LRMDA: variants seen among roughly 807,000 people sequenced by gnomAD.
The protein encoded by LRMDA is leucine-rich melanocyte differentiation-associated protein.
LRMDA carries 18 observed loss-of-function variants against 29.8 expected under a neutral mutation model. The observed-to-expected ratio is 0.60, with a 90% CI of 0.42 to 0.90. The LOEUF (loss-of-function observed/expected upper bound fraction) is 0.90, where lower values mean the gene tolerates loss of function less well. Among genes scored for constraint, LRMDA ranks in the 40% least tolerant of loss-of-function variants. The pLI is 0.00. For synonymous variants in LRMDA, 125 were observed against 109.4 expected (o/e 1.14, Z -0.89); for missense variants, 273 against 273.9 (o/e 1.00, Z 0.02).
rs557260961 is a variant in LRMDA at position 75,865,438 on chromosome 10, A to G, written c.132-170570A>G. Among the ~76,000 whole-genome samples the G allele has an allele frequency of 2.8e-4, 43 of 152,300 alleles. 2 individuals carry two copies. The South Asian group carries it at 5.6e-3, about 20-fold the overall frequency. ...AATAAAAAATATGAAAAAATTAATC[A>G]TGACTCACTGGTTCTTTACATATAT... On this transcript the variant is annotated intron_variant, in intron 2 of 6. Transcript: ENST00000611255.
chr10:76,005,903 C>A (rs946103925), intron 2 of LRMDA, among the ~76,000 whole-genome samples: 1 of 151,428 alleles, frequency 6.6e-6, no homozygotes, highest in East Asian at 2.0e-4. Flanking sequence ...GCACTCCAGC[C>A]TGGGTGCAGT....
intron 3 of LRMDA, among the ~76,000 whole-genome samples, chr10:76,039,475 G>C (rs907282488): frequency 6.6e-6 from 1 of 152,114 alleles, no homozygotes; most frequent in Non-Finnish European, 1.5e-5. Context: ...ATGTAAAATG[G>C]TTATTCACCC....
rs893355432 is a variant in LRMDA, at chr10:76,185,795, A to AT, written c.516+127021dup. ...CTAAGTACAAATATGCTCAAAGTAC[A>AT]TTTTTTTTTAAAAAAGAATTCAACA... On this transcript the variant is annotated intron_variant, in intron 5 of 6. Coordinates refer to ENST00000611255, the MANE Select transcript of LRMDA (RefSeq NM_001305581.2). Among the ~76,000 whole-genome samples, 208 of 151,838 alleles carry AT rather than the reference A, an allele frequency of 1.4e-3. 3 individuals are homozygous for AT. The highest frequency in any genetic ancestry group is 3.8e-4 in the Non-Finnish European group (26 of 67,912).
intron 5 of LRMDA, among the ~76,000 whole-genome samples, chr10:76,300,412 G>C (rs998404236): frequency 6.6e-6 from 1 of 152,194 alleles, no homozygotes; most frequent in Admixed American, 6.5e-5. Flanking sequence ...CATTGATCAT[G>C]GTAGGAAAGC....
chr10:76,515,080 T>C (rs1357089610), intron 6 of LRMDA, among the ~76,000 whole-genome samples: 1 of 152,160 alleles, frequency 6.6e-6, no homozygotes, highest in Admixed American at 6.5e-5. Flanking sequence ...CAAAGACATG[T>C]CCCAACCTAC....
chr10:76,239,173 T>G, intron 5 of LRMDA, among the ~76,000 whole-genome samples: 1 of 152,040 alleles, frequency 6.6e-6, no homozygotes, highest in Non-Finnish European at 1.5e-5. Flanking sequence ...GATAGTCAAT[T>G]TGGGTGATAG....
intron 2 of LRMDA, among the ~76,000 whole-genome samples, chr10:75,504,856 CAG>C (rs912149054): frequency 2.6e-5 from 4 of 152,060 alleles, no homozygotes. Flanking sequence ...CAATTTAAAT[CAG>C]GGGACTTTTA....
At chr10:75,635,574 C>T (rs1421337051) in intron 2 of LRMDA, among the ~76,000 whole-genome samples, 1 of 152,112 alleles carries the variant, frequency 6.6e-6, no homozygotes, top group Non-Finnish European at 1.5e-5. Context: ...ACAACCATCA[C>T]CCACAAGGGA....
chr10:76,431,299 C>T (rs1481310607), intron 6 of LRMDA, among the ~76,000 whole-genome samples: 2 of 152,142 alleles, frequency 1.3e-5, no homozygotes, highest in East Asian at 3.9e-4. Flanking sequence ...GGGCCCATAA[C>T]TAGGAGCTTT....
chr10:76,320,973 G>A (rs762770959), intron 5 of LRMDA, among the ~76,000 whole-genome samples: 3 of 152,022 alleles, frequency 2.0e-5, no homozygotes, highest in Non-Finnish European at 4.4e-5. Context: ...TTTTCACTCT[G>A]TATTAAATTT....
chr10:75,717,619 G>A (rs1589169126), intron 2 of LRMDA, among the ~76,000 whole-genome samples: 1 of 152,294 alleles, frequency 6.6e-6, no homozygotes, highest in South Asian at 2.1e-4. Context: ...ATGAGTGGCT[G>A]TAGATGCTCC....
chr10:76,314,393 T>C (rs1840666293), intron 5 of LRMDA, among the ~76,000 whole-genome samples: 2 of 152,204 alleles, frequency 1.3e-5, no homozygotes, highest in South Asian at 4.1e-4. Flanking sequence ...TTTTAGGTTC[T>C]ATCTGCAACA....
intron 2 of LRMDA, among the ~76,000 whole-genome samples, chr10:75,549,862 C>G (rs1289770410): frequency 6.6e-6 from 1 of 152,020 alleles, no homozygotes; most frequent in South Asian, 2.1e-4. Flanking sequence ...TTTGCCTATC[C>G]CCAGAATGTC....
intron 2 of LRMDA, among the ~76,000 whole-genome samples, chr10:75,496,890 C>A (rs1845050635): frequency 6.6e-6 from 1 of 151,870 alleles, no homozygotes; most frequent in Non-Finnish European, 1.5e-5. Context: ...TATGTGTATA[C>A]ATGAGGGGTA....
intron 5 of LRMDA, among the ~76,000 whole-genome samples, chr10:76,180,487 G>A (rs2132207275): frequency 6.6e-6 from 1 of 151,886 alleles, no homozygotes; most frequent in South Asian, 2.1e-4. Context: ...CACCATGTTG[G>A]CCAAGCTGGT....
intron 5 of LRMDA, among the ~76,000 whole-genome samples, chr10:76,078,651 C>T (rs1028665886): frequency 3.3e-5 from 5 of 151,832 alleles, no homozygotes; most frequent in African/African-American, 4.8e-5. Context: ...CTGGCTAACA[C>T]GGTGAAACCC....
chr10:75,521,910 G>A (rs1564791655), intron 2 of LRMDA, among the ~76,000 whole-genome samples: 1 of 152,212 alleles, frequency 6.6e-6, no homozygotes, highest in Non-Finnish European at 1.5e-5. Context: ...ATCACTCAGA[G>A]TACTGAAGGG....
intron 2 of LRMDA, among the ~76,000 whole-genome samples, chr10:75,943,835 G>A (rs1388471408): frequency 6.6e-6 from 1 of 152,152 alleles, no homozygotes; most frequent in Non-Finnish European, 1.5e-5. Context: ...TATTTATTGA[G>A]GACCTGCTAT....
intron 2 of LRMDA, among the ~76,000 whole-genome samples, chr10:75,805,261 G>A (rs1378049527): frequency 6.6e-6 from 1 of 152,098 alleles, no homozygotes; most frequent in Non-Finnish European, 1.5e-5. Context: ...ATAAGGGTTG[G>A]AGAAAGTAAT....
Sources: gnomAD v4.1 joint callset for allele counts (sites outside exome capture counted in the v4.1 genomes callset) on GRCh38, gnomAD v4.1.1 for gene constraint, MANE v1.5 for transcripts, NCBI Gene and HGNC (gene_info 2026-07-23, HGNC 2026-07-21) for gene names.